Variants in ASAP1 observed in about 807,000 individuals in gnomAD.
ASAP1 encodes the protein arf-GAP with SH3 domain, ANK repeat and PH domain-containing protein 1.
Under a neutral mutation model 145.2 loss-of-function variants are expected in ASAP1, and 43 were observed. That is an observed-to-expected ratio of 0.30 (90% confidence interval 0.23 to 0.38). ASAP1 has a LOEUF of 0.38. ASAP1 is among the 10% of genes least tolerant of loss of function. The probability of loss-of-function intolerance (pLI) is 1.00; values close to 1 mark genes in which losing one functional copy is unlikely to be tolerated. For synonymous variants in ASAP1, 546 were observed against 515.5 expected (o/e 1.06, Z -0.80); for missense variants, 1,018 against 1,355.3 (o/e 0.75, Z 3.91).
intron 18 of ASAP1, among the ~76,000 whole-genome samples, chr8:130,120,284 A>G (rs1768029828): frequency 6.6e-6 from 1 of 152,246 alleles, no homozygotes; most frequent in African/African-American, 2.4e-5. Context: ...TGTCTTATAT[A>G]AAGTGTGAAA....
At chr8:130,329,679 A>G (rs1160440679) in intron 3 of ASAP1, among the ~76,000 whole-genome samples, 1 of 152,232 alleles carries the variant, frequency 6.6e-6, no homozygotes, top group African/African-American at 2.4e-5. Flanking sequence ...AGTATTTTAC[A>G]TTTTAAGAAA....
intron 3 of ASAP1, among the ~76,000 whole-genome samples, chr8:130,239,124 C>T (rs996944363): frequency 3.3e-5 from 5 of 152,090 alleles, no homozygotes; most frequent in African/African-American, 1.2e-4. Context: ...ACAAAATGCT[C>T]CTCCGCTTAG....
At chr8:130,072,831 G>GCGCGCGCGCACGC (rs58907739) in intron 27 of ASAP1, among the ~76,000 whole-genome samples, 2 of 110,704 alleles carry the variant, frequency 1.8e-5, no homozygotes, top group Admixed American at 8.7e-5. Context: ...GTGTGCGCGC[G>GCGCGCGCGCACGC]GGGGGGGGCA....
At chr8:130,437,069 C>T (rs565246179) in intron 1 of ASAP1, among the ~76,000 whole-genome samples, 72 of 146,104 alleles carry the variant, frequency 4.9e-4, no homozygotes, top group Non-Finnish European at 9.1e-4. Context: ...CACACCACTG[C>T]ACTCCAGCCT....
chr8:130,169,140 A>G, intron 9 of ASAP1, 73 bp from the exon 10 acceptor site: 1 of 920,770 alleles, frequency 1.1e-6, no homozygotes, highest in Non-Finnish European at 1.7e-6. Context: ...ATGTGGAAAT[A>G]AAAAAAGGAA....
chr8:130,112,468 T>A, intron 23 of ASAP1, 146 bp from the exon 24 acceptor site: 1 of 623,800 alleles, frequency 1.6e-6, no homozygotes, highest in Non-Finnish European at 2.8e-6. Context: ...AGCCTCATGA[T>A]GCTGACACAG....
chr8:130,439,601 G>T (rs1489111929), intron 1 of ASAP1, among the ~76,000 whole-genome samples: 1 of 152,166 alleles, frequency 6.6e-6, no homozygotes, highest in Non-Finnish European at 1.5e-5. Context: ...GGTAACTTCA[G>T]TTGAACACAC....
At chr8:130,234,780 G>C (rs1268427939) in intron 4 of ASAP1, among the ~76,000 whole-genome samples, 1 of 152,144 alleles carries the variant, frequency 6.6e-6, no homozygotes, top group Non-Finnish European at 1.5e-5. Context: ...CAAGCATAGA[G>C]CCTCAGGTAC....
chr8:130,209,565 G>T (rs962603294), intron 5 of ASAP1, among the ~76,000 whole-genome samples: 1 of 142,910 alleles, frequency 7.0e-6, no homozygotes. Context: ...AAAAAAAAAA[G>T]AAAGGCTATT....
intron 1 of ASAP1, among the ~76,000 whole-genome samples, chr8:130,414,860 A>C (rs1829411380): frequency 6.6e-6 from 1 of 151,688 alleles, no homozygotes; most frequent in African/African-American, 2.4e-5. Context: ...GGGTTCAAGC[A>C]ATTTTCCTGC....
chr8:130,281,805 GC>G (rs962110831), intron 3 of ASAP1, among the ~76,000 whole-genome samples: 18 of 152,140 alleles, frequency 1.2e-4, no homozygotes, highest in Admixed American at 9.2e-4. Context: ...GGTGGCTCAC[GC>G]CTGTAATCCC....
At chr8:130,376,534 TG>T (rs764103016) in intron 2 of ASAP1, among the ~76,000 whole-genome samples, 31 of 152,160 alleles carry the variant, frequency 2.0e-4, no homozygotes, top group South Asian at 4.1e-4. Context: ...CAGACCAGCC[TG>T]GCCAACATGG....
chr8:130,166,534 T>C (rs922831743), intron 11 of ASAP1, among the ~76,000 whole-genome samples: 1 of 152,096 alleles, frequency 6.6e-6, no homozygotes, highest in African/African-American at 2.4e-5. Context: ...GCTGGGGAGT[T>C]TTCCATCTCT....
intron 3 of ASAP1, among the ~76,000 whole-genome samples, chr8:130,272,921 C>T (rs1820671592): frequency 1.3e-5 from 2 of 152,150 alleles, no homozygotes; most frequent in Admixed American, 1.3e-4. Context: ...ATAAGCTCTA[C>T]TGTTCAGTGG....
chr8:130,307,636 T>C (rs558791088), intron 3 of ASAP1, among the ~76,000 whole-genome samples: 1 of 152,338 alleles, frequency 6.6e-6, no homozygotes, highest in African/African-American at 2.4e-5. Flanking sequence ...GCTGGACAAT[T>C]TAAATGTTTC....
At chr8:130,088,723 T>C (rs1480527907) in intron 25 of ASAP1, among the ~76,000 whole-genome samples, 1 of 152,202 alleles carries the variant, frequency 6.6e-6, no homozygotes, top group South Asian at 2.1e-4. Context: ...CGAATGCAGG[T>C]TTCTCCCATC....
Position 130,068,645 on chromosome 8 carries a change from G to C in ASAP1, c.2702-7576C>G, listed in dbSNP as rs1467280527. 2.0e-5 allele frequency among the ~76,000 whole-genome samples: 3 copies of C among 152,300 alleles called. No homozygotes were observed. The East Asian group carries it at 5.8e-4, about 29-fold the overall frequency. ...TGGGTATATATGATCCAGACACACA[G>C]GAGGCTATTCCTGCGGTAACTGGCA... On this transcript the variant is annotated intron_variant, in intron 27 of 29. Transcript: ENST00000518721.
chr8:130,058,201 C>T (rs922651021), intron 28 of ASAP1, 125 bp from the exon 29 acceptor site: 2 of 1,031,698 alleles, frequency 1.9e-6, no homozygotes, highest in African/African-American at 3.2e-5. Flanking sequence ...ATTTCCTCAC[C>T]CTTGAAGGGC....
chr8:130,345,388 G>A (rs938266582), intron 3 of ASAP1, among the ~76,000 whole-genome samples: 2 of 152,146 alleles, frequency 1.3e-5, no homozygotes, highest in African/African-American at 4.8e-5. Context: ...CCGTCAACTC[G>A]AAAGAAACAA....
Sources: allele counts gnomAD v4.1 joint callset (sites outside exome capture counted in the v4.1 genomes callset), GRCh38; gene constraint gnomAD v4.1.1; transcripts MANE v1.5; gene names NCBI Gene and HGNC (gene_info 2026-07-23, HGNC 2026-07-21).